VPS8: variants seen among roughly 807,000 people sequenced by gnomAD.
VPS8 encodes the protein vacuolar protein sorting-associated protein 8 homolog.
Under a neutral mutation model 216.4 loss-of-function variants are expected in VPS8, and 129 were observed. The ratio of observed to expected loss-of-function variants is 0.60; its 90% CI spans 0.52 to 0.69. The LOEUF is 0.69. VPS8 is among the 30% of genes least tolerant of loss of function. VPS8 has a pLI of 0.00. For missense variants in VPS8, 1,531 were observed against 1,683.5 expected (o/e 0.91, Z 1.59); for synonymous variants, 571 against 565.4 (o/e 1.01, Z -0.14).
chr3:185,007,346 A>G (rs1754408471), intron 45 of VPS8, among the ~76,000 whole-genome samples: 1 of 152,222 alleles, frequency 6.6e-6, no homozygotes, highest in Non-Finnish European at 1.5e-5. Flanking sequence ...ACTCACTTAC[A>G]TTAATACAAT....
In VPS8 at chr3:184,957,907, G is replaced by A. The variant is rs576452745; in HGVS notation, c.3183+386G>A. 5.3e-5 allele frequency among the ~76,000 whole-genome samples: 8 copies of A among 152,290 alleles called. No individual in the cohort carries two copies. In the East Asian group the frequency reaches 1.2e-3, roughly 22 times the overall value. ...TCAGCTGTGTTCCCAGATTCCTCCC[G>A]TGCCTGCTGGTGCCTTCTCCGGGCC... On this transcript the variant is annotated intron_variant, in intron 37 of 47. Coordinates refer to ENST00000625842, the MANE Select transcript of VPS8 (RefSeq NM_001009921.3).
chr3:184,937,747 A>G (rs1741893231), intron 35 of VPS8, among the ~76,000 whole-genome samples: 1 of 152,214 alleles, frequency 6.6e-6, no homozygotes, highest in Admixed American at 6.5e-5. Context: ...GAAGGCATAA[A>G]GCAGCATGCA....
chr3:184,999,938 G>T (rs375242080), intron 45 of VPS8, 77 bp downstream of exon 45: 3 of 1,459,838 alleles, frequency 2.1e-6, no homozygotes, highest in South Asian at 1.4e-5. Context: ...CATTTCCTTC[G>T]GTTCCATAGG....
chr3:185,009,338 A>G (rs938860527), intron 45 of VPS8, among the ~76,000 whole-genome samples: 22 of 21,330 alleles, frequency 1.0e-3, no homozygotes, highest in Non-Finnish European at 6.6e-4. Flanking sequence ...CAACTATACA[A>G]TACCATTTTT....
At chr3:184,819,488 G>A (rs1717078602) in intron 1 of VPS8, among the ~76,000 whole-genome samples, 1 of 152,148 alleles carries the variant, frequency 6.6e-6, no homozygotes, top group African/African-American at 2.4e-5. Flanking sequence ...CTTTTACTGG[G>A]ATAACATTTA....
chr3:184,949,297 T>TAA (rs998416850), intron 36 of VPS8, among the ~76,000 whole-genome samples: 1 of 146,582 alleles, frequency 6.8e-6, no homozygotes, highest in Non-Finnish European at 1.5e-5. Context: ...ATTCTGTCTT[T>TAA]AAAAAAAAAA....
intron 45 of VPS8, among the ~76,000 whole-genome samples, chr3:185,008,531 G>C (rs1012715660): frequency 5.9e-5 from 9 of 152,148 alleles, no homozygotes; most frequent in African/African-American, 1.7e-4. Flanking sequence ...TAAAGGGAAA[G>C]AATAGAATAG....
intron 23 of VPS8, among the ~76,000 whole-genome samples, chr3:184,897,177 G>T (rs1733659355): frequency 6.6e-6 from 1 of 152,120 alleles, no homozygotes; most frequent in African/African-American, 2.4e-5. Flanking sequence ...AGGGATGAGG[G>T]CCAAGTGCAG....
At chr3:185,009,433 G>A (rs1451536257) in intron 45 of VPS8, among the ~76,000 whole-genome samples, 2 of 152,038 alleles carry the variant, frequency 1.3e-5, no homozygotes, top group African/African-American at 4.8e-5. Flanking sequence ...CATTGATAAG[G>A]ATGTGAGGAG....
At chr3:184,869,429 C>T (rs748219833) in intron 19 of VPS8, 53 bp from the exon 20 acceptor site, 17 of 1,567,272 alleles carry the variant, frequency 1.1e-5, no homozygotes, top group Middle Eastern at 1.7e-4. Flanking sequence ...TAGTTTCACT[C>T]CTAAAGATGT....
intron 29 of VPS8, 123 bp from the exon 30 acceptor site, chr3:184,924,739 G>A: frequency 8.0e-7 from 1 of 1,251,968 alleles, no homozygotes; most frequent in South Asian, 1.6e-5. Flanking sequence ...TTGTTGCACA[G>A]TCAATAAAAG....
In VPS8 at chr3:184,930,451, A is replaced by G. The variant is rs770564374; in HGVS notation, c.2800-19A>G. 1.3e-6 allele frequency: 2 copies of G among 1,564,290 alleles called. No homozygotes were observed. The highest frequency in any genetic ancestry group is 2.2e-5 in the South Asian group (2 of 89,500). ...TTGAGTGAGTGAATGAATAAATTATATTGTCTTGTGCTCTTCAGGAAGAAG... is the reference window on the plus strand; with the variant it reads ...TTGAGTGAGTGAATGAATAAATTATGTTGTCTTGTGCTCTTCAGGAAGAAG... On this transcript the variant is annotated intron_variant, in intron 33 of 47. Transcript: ENST00000625842.
chr3:185,013,709 G>A (rs1164124557), intron 45 of VPS8, among the ~76,000 whole-genome samples: 1 of 152,176 alleles, frequency 6.6e-6, no homozygotes, highest in Non-Finnish European at 1.5e-5. Context: ...TTGAGGTTGA[G>A]GTGCCACTAT....
Position 184,901,043 on chromosome 3 carries a change from G to A in VPS8, c.2146+71G>A, listed in dbSNP as rs755901854. 6 of 1,399,942 alleles carry A rather than the reference G, an allele frequency of 4.3e-6. No individual in the cohort carries two copies. The Admixed American group carries it at 5.8e-5, about 14-fold the overall frequency. 86.7% of individuals were successfully genotyped at this position (1,399,942 alleles called of 1,614,324 possible). A position where few individuals can be genotyped will look rare whatever the true frequency, so the allele number is the denominator to read the frequency against. On this transcript the variant is annotated intron_variant, in intron 25 of 47. Coordinates refer to ENST00000625842, the MANE Select transcript of VPS8 (RefSeq NM_001009921.3). Reference sequence around the variant, plus strand: ...GTATTATTTAAATGTTACAAAATTGGCCAATTATATGTGTGCAGTGTGAAT... The same window carrying A: ...GTATTATTTAAATGTTACAAAATTGACCAATTATATGTGTGCAGTGTGAAT...
At chr3:184,955,526 C>T (rs562351410) in intron 36 of VPS8, among the ~76,000 whole-genome samples, 65 of 151,960 alleles carry the variant, frequency 4.3e-4, no homozygotes, top group African/African-American at 1.5e-3. Flanking sequence ...AATATCAGCA[C>T]GCCCAGTCGT....
At chr3:184,991,696 A>C (rs1193363453) in intron 42 of VPS8, among the ~76,000 whole-genome samples, 2 of 152,204 alleles carry the variant, frequency 1.3e-5, no homozygotes, top group Non-Finnish European at 2.9e-5. Flanking sequence ...GATATTTGAC[A>C]AACGTATACT....
At position 184,913,529 on chromosome 3, in the gene VPS8, T is replaced by C; in HGVS notation, c.2157T>C (p.Val719=). 1.3e-6 allele frequency: 2 copies of C among 1,588,366 alleles called. No individual in the cohort carries two copies. The highest frequency in any genetic ancestry group is 1.7e-6 in the Non-Finnish European group (2 of 1,168,096). Reference sequence around the variant, plus strand: ...CTCTTTCTATTTTAGATGAACAAGTTGTTATGGGCAATAAGCTCCTTGTAT... The same window carrying C: ...CTCTTTCTATTTTAGATGAACAAGTCGTTATGGGCAATAAGCTCCTTGTAT... ...NAGKTLTDEQ[V]VMGNKLLVYI... The change falls in exon 26 of 48, where the codon GTT becomes GTC. Residue 719 remains valine (V), a synonymous_variant. Transcript: ENST00000625842.
intron 25 of VPS8, 65 bp from the exon 26 acceptor site, chr3:184,913,454 A>G (rs1736936176): frequency 4.3e-6 from 6 of 1,393,952 alleles, no homozygotes. Context: ...GTTTCTACAT[A>G]AAGATTATTT....
intron 34 of VPS8, 127 bp downstream of exon 34, chr3:184,930,695 G>A (rs1480268224): frequency 1.5e-5 from 10 of 649,428 alleles, no homozygotes; most frequent in Admixed American, 7.8e-5. Flanking sequence ...AATCTTTTTC[G>A]TGTAATTATT....
Sources: gnomAD v4.1 joint callset for allele counts (sites outside exome capture counted in the v4.1 genomes callset) on GRCh38, gnomAD v4.1.1 for gene constraint, MANE v1.5 for transcripts, NCBI Gene and HGNC (gene_info 2026-07-23, HGNC 2026-07-21) for gene names.